Variants in MLIP observed in about 807,000 individuals in gnomAD.
The protein encoded by MLIP is muscular LMNA interacting protein.
Under a neutral mutation model 84.8 loss-of-function variants are expected in MLIP, and 79 were observed. The observed-to-expected ratio is 0.93, with a 90% CI of 0.78 to 1.12. The LOEUF is 1.12. Ranked by LOEUF, MLIP falls within the 50% of genes most tolerant of loss-of-function variation. The pLI, the probability that MLIP is intolerant of heterozygous loss-of-function variation, is 0.00. For missense variants in MLIP, 1,257 were observed against 1,160.6 expected (o/e 1.08, Z -1.21); for synonymous variants, 504 against 463.0 (o/e 1.09, Z -1.14).
chr6:54,225,358 C>T (rs983527543), intron 11 of MLIP, among the ~76,000 whole-genome samples: 14 of 152,148 alleles, frequency 9.2e-5, no homozygotes, highest in African/African-American at 2.9e-4. Context: ...AACTGTCACA[C>T]AGTGGTAAGT....
Position 54,266,030 on chromosome 6 carries a change from A to AT in MLIP, c.*75_*76insT. The stretch of plus-strand genomic sequence containing the variant: ...TGGTGCTAACCACTTGCTAGATTTA[A>AT]CTTTTTTTTTTTTTTCCAGAATGAG... On this transcript the variant is annotated 3_prime_UTR_variant, in exon 14 of 14. Transcript: ENST00000502396. 6 of 1,467,612 alleles carry AT rather than the reference A, an allele frequency of 4.1e-6. No individual in the cohort carries two copies. Among genetic ancestry groups the AT allele is most frequent in the South Asian group, 1.2e-5 (1 of 80,878 alleles). 90.9% of individuals were successfully genotyped at this position (1,467,612 alleles called of 1,614,324 possible).
intron 11 of MLIP, chr6:54,217,182 A>G: frequency 4.1e-6 from 4 of 985,424 alleles, no homozygotes; most frequent in Non-Finnish European, 4.8e-6. Context: ...GTACTCAGAC[A>G]GAAAACCGCA....
At chr6:54,158,871 TAA>T (rs11363736) in intron 5 of MLIP, among the ~76,000 whole-genome samples, 6,636 of 150,730 alleles carry the variant, frequency 0.044, 339 homozygotes, top group African/African-American at 0.12. Flanking sequence ...AGAAGTATGA[TAA>T]AAAAAAAAAA....
chr6:54,254,192 T>A lies in MLIP; in HGVS notation c.2923-3116T>A, dbSNP rs895602021. Among the ~76,000 whole-genome samples, 4 of 151,052 alleles carry A rather than the reference T, an allele frequency of 2.6e-5. No individual in the cohort carries two copies. In the Admixed American group the frequency reaches 2.7e-4, roughly 10 times the overall value. On this transcript the variant is annotated intron_variant, in intron 12 of 13. Coordinates refer to ENST00000502396, the MANE Select transcript of MLIP (RefSeq NM_001281747.2). Reference sequence around the variant, plus strand: ...CCCAGGCTAGAGTGCAGTGGCGTGATCTTGGCTCACTGCAATCTCCACCTC... The same window carrying A: ...CCCAGGCTAGAGTGCAGTGGCGTGAACTTGGCTCACTGCAATCTCCACCTC...
In MLIP at chr6:54,266,197, T is replaced by A. The variant is rs1783672591; in HGVS notation, c.*242T>A. 5 of 508,160 alleles carry A rather than the reference T, an allele frequency of 9.8e-6. No homozygotes were observed. The highest frequency in any genetic ancestry group is 1.8e-5 in the Non-Finnish European group (5 of 283,806). The allele number at this position is 508,160 out of a possible 1,614,324, so 31.5% of individuals were successfully genotyped here. ...CACCACTGTTCTAGCCTTTAATGCC[T>A]TCTACTTAATATTAAGCTGACCGCA... On this transcript the variant is annotated 3_prime_UTR_variant, in exon 14 of 14. Transcript: ENST00000502396.
In MLIP at chr6:54,257,433, T is replaced by A. The variant is rs1372579125; in HGVS notation, c.2976+72T>A. 5.4e-5 allele frequency: 63 copies of A among 1,172,908 alleles called. No individual in the cohort carries two copies. The East Asian group carries it at 1.5e-3, about 28-fold the overall frequency. The allele number at this position is 1,172,908 out of a possible 1,614,324, so 72.7% of individuals were successfully genotyped here. On this transcript the variant is annotated intron_variant, in intron 13 of 13. Transcript: ENST00000502396. ...ATTATAGAAATAAACCAATCTTATT[T>A]TTTTAATGTTAACAAAATTGTGCTT...
chr6:54,201,431 A>G (rs1778670002), intron 10 of MLIP, among the ~76,000 whole-genome samples: 1 of 152,116 alleles, frequency 6.6e-6, no homozygotes, highest in Non-Finnish European at 1.5e-5. Flanking sequence ...CCCTCCATGC[A>G]CTTTGCTCTA....
At chr6:54,224,505 C>T (rs1469217181) in intron 11 of MLIP, among the ~76,000 whole-genome samples, 1 of 151,822 alleles carries the variant, frequency 6.6e-6, no homozygotes, top group East Asian at 1.9e-4. Context: ...TTTTAAGGAA[C>T]AAATTCAGTT....
rs997255992 is a variant in MLIP at position 54,216,216 on chromosome 6, G to A, written c.2718+13983G>A. 9 of 985,096 alleles carry A rather than the reference G, an allele frequency of 9.1e-6. No individual in the cohort carries two copies. In the African/African-American group the frequency reaches 1.4e-4, roughly 15 times the overall value. 61.0% of individuals were successfully genotyped at this position (985,096 alleles called of 1,614,324 possible). ...AATCACTTCAATTTTGGAAGAAAGA[G>A]GTTGATTTCCTGCTAAAGGGTCAAC... On this transcript the variant is annotated intron_variant, in intron 11 of 13. Coordinates refer to ENST00000502396, the MANE Select transcript of MLIP (RefSeq NM_001281747.2).
At chr6:54,073,167 T>C (rs1010756105) in intron 1 of MLIP, among the ~76,000 whole-genome samples, 1 of 152,134 alleles carries the variant, frequency 6.6e-6, no homozygotes, top group Non-Finnish European at 1.5e-5. Context: ...AAAGTGGGAG[T>C]AGGAGAGCTG....
At chr6:54,102,873 A>G (rs1177563774) in intron 1 of MLIP, among the ~76,000 whole-genome samples, 1 of 152,192 alleles carries the variant, frequency 6.6e-6, no homozygotes, top group Non-Finnish European at 1.5e-5. Context: ...ATTTGAAAGC[A>G]GTAAATACGA....
At chr6:54,139,474 A>G (rs1273996123) in intron 4 of MLIP, among the ~76,000 whole-genome samples, 2 of 152,212 alleles carry the variant, frequency 1.3e-5, no homozygotes, top group Admixed American at 6.5e-5. Context: ...CCAAATATAC[A>G]GAAGATGATC....
intron 1 of MLIP, among the ~76,000 whole-genome samples, chr6:54,021,344 T>C (rs372058289): frequency 1.3e-5 from 2 of 152,212 alleles, no homozygotes; most frequent in South Asian, 2.1e-4. Context: ...GTGTTATACG[T>C]TTGTTAAAAT....
chr6:54,096,817 A>G (rs1768247830), intron 1 of MLIP, among the ~76,000 whole-genome samples: 1 of 152,200 alleles, frequency 6.6e-6, no homozygotes, highest in Non-Finnish European at 1.5e-5. Flanking sequence ...AAACAATTCA[A>G]GAGACAGGAC....
chr6:54,175,184 C>G (rs1279213607), intron 9 of MLIP, among the ~76,000 whole-genome samples: 1 of 151,562 alleles, frequency 6.6e-6, no homozygotes, highest in Non-Finnish European at 1.5e-5. Context: ...GATAATGACT[C>G]CTCCAGTTTT....
chr6:54,175,181 A>G (rs1448273578), intron 9 of MLIP, among the ~76,000 whole-genome samples: 1 of 147,216 alleles, frequency 6.8e-6, no homozygotes, highest in East Asian at 2.0e-4. Context: ...TCAGATAATG[A>G]CTCCTCCAGT....
chr6:54,208,152 T>C (rs1183301499), intron 11 of MLIP, among the ~76,000 whole-genome samples: 1 of 152,182 alleles, frequency 6.6e-6, no homozygotes, highest in East Asian at 1.9e-4. Flanking sequence ...TTTGTTAAAA[T>C]AGAATGTTTT....
At chr6:54,195,298 G>C (rs1000013336) in intron 10 of MLIP, among the ~76,000 whole-genome samples, 1 of 151,968 alleles carries the variant, frequency 6.6e-6, no homozygotes, top group African/African-American at 2.4e-5. Flanking sequence ...TATCTCTCCA[G>C]AAAGATTAAA....
chr6:54,258,564 C>T (rs955621110), intron 13 of MLIP, among the ~76,000 whole-genome samples: 2 of 151,882 alleles, frequency 1.3e-5, no homozygotes, highest in Admixed American at 6.6e-5. Flanking sequence ...AATTGCTGTC[C>T]TGGAAAATTG....
Sources: allele counts gnomAD v4.1 joint callset (sites outside exome capture counted in the v4.1 genomes callset), GRCh38; gene constraint gnomAD v4.1.1; transcripts MANE v1.5; gene names NCBI Gene and HGNC (gene_info 2026-07-23, HGNC 2026-07-21).